BCAS3: variants seen among roughly 807,000 people sequenced by gnomAD.
BCAS3 encodes the protein BCAS4/BCAS3 fusion.
Under a neutral mutation model 116.1 loss-of-function variants are expected in BCAS3, and 53 were observed. That is an observed-to-expected ratio of 0.46 (90% CI 0.37 to 0.57). The LOEUF (loss-of-function observed/expected upper bound fraction) is 0.57. BCAS3 is among the 20% of genes least tolerant of loss of function. BCAS3 has a pLI of 0.00. For missense variants in BCAS3, 917 were observed against 1,165.4 expected, an observed-to-expected ratio of 0.79 and a Z score of 3.10; for synonymous variants, 391 against 408.2, an observed-to-expected ratio of 0.96 and a Z score of 0.51.
At chr17:60,718,120 G>A (rs114072791) in intron 5 of BCAS3, among the ~76,000 whole-genome samples, 4,726 of 152,308 alleles carry the variant, frequency 0.031, 234 homozygotes, top group African/African-American at 0.1. Context: ...GAGAGCAGCT[G>A]TAAATACAGT....
At chr17:60,791,943 T>G (rs2046803069) in intron 6 of BCAS3, among the ~76,000 whole-genome samples, 1 of 151,680 alleles carries the variant, frequency 6.6e-6, no homozygotes, top group South Asian at 2.1e-4. Context: ...GCCAACACAG[T>G]GAAACCCCAT....
rs1022900995 is a variant in BCAS3, at chr17:61,339,722, C to T, written c.2426-28605C>T. ...TGGCGGTTACAGTGAGCTGAGATCG[C>T]GCCACTGTACTCCAGTCGGGGCGAC... On this transcript the variant is annotated intron_variant, in intron 22 of 23. Transcript: ENST00000407086. The surrounding 1 kb of genome is among the most constrained non-coding windows in gnomAD (Gnocchi z 4.4). Among the ~76,000 whole-genome samples, 2 of 150,882 alleles carry T rather than the reference C, an allele frequency of 1.3e-5. No individual in the cohort carries two copies. The highest frequency in any genetic ancestry group is 4.9e-5 in the African/African-American group (2 of 40,936).
At chr17:60,739,889 T>G (rs77936394) in intron 5 of BCAS3, among the ~76,000 whole-genome samples, 7,789 of 152,062 alleles carry the variant, frequency 0.051, 240 homozygotes, top group Non-Finnish European at 0.071. Context: ...TTTTGTTTTT[T>G]TTTTTCCACA....
rs143697105 is a variant in BCAS3 at position 61,265,323 on chromosome 17, G to C, written c.2426-103004G>C. ...GGAGGTTGAGGCAGGAGAATCGTTC[G>C]AACCCGAGAGGCAGAGGTTGCAGTG... On this transcript the variant is annotated intron_variant, in intron 22 of 23. Transcript: ENST00000407086. This position sits in a 1 kb window ranked among gnomAD's most constrained non-coding sequence, Gnocchi z 4.3. Among the ~76,000 whole-genome samples the C allele has an allele frequency of 9.1e-3, 1,385 of 151,668 alleles. 21 individuals are homozygous for C. The highest frequency in any genetic ancestry group is 0.032 in the African/African-American group (1,329 of 41,292).
chr17:60,847,107 C>T lies in BCAS3; in HGVS notation c.477-21469C>T, dbSNP rs933451009. Among the ~76,000 whole-genome samples, 4 of 152,154 alleles carry T rather than the reference C, an allele frequency of 2.6e-5. No homozygotes were observed. The East Asian group carries it at 7.7e-4, about 29-fold the overall frequency. On this transcript the variant is annotated intron_variant, in intron 7 of 23. Transcript: ENST00000407086. ...TTTGTTTCTGACTTCTCTCACTTAG[C>T]ATAATGTTTGGGAGGTTCATCCATG...
chr17:60,988,274 A>G (rs1000106865), intron 14 of BCAS3, among the ~76,000 whole-genome samples: 2 of 147,716 alleles, frequency 1.4e-5, no homozygotes, highest in Non-Finnish European at 3.0e-5. Flanking sequence ...ATTGGCCTCT[A>G]GTCTAGTCTA....
intron 19 of BCAS3, among the ~76,000 whole-genome samples, chr17:61,057,485 T>G (rs1249493882): frequency 6.6e-6 from 1 of 152,252 alleles, no homozygotes; most frequent in Non-Finnish European, 1.5e-5. Flanking sequence ...CATTGCCTTC[T>G]ACGCCTCAGG....
chr17:60,686,613 C>T (rs2034091264), intron 3 of BCAS3, among the ~76,000 whole-genome samples: 1 of 152,042 alleles, frequency 6.6e-6, no homozygotes, highest in East Asian at 1.9e-4. Flanking sequence ...GCAACCTCTG[C>T]CTACGAGTTT....
At chr17:61,308,289 A>G (rs1253139275) in intron 22 of BCAS3, among the ~76,000 whole-genome samples, 1 of 152,088 alleles carries the variant, frequency 6.6e-6, no homozygotes, top group Non-Finnish European at 1.5e-5. Flanking sequence ...AAAAACATCA[A>G]CAAGCATTAG....
chr17:61,061,372 T>G (rs925169990), intron 19 of BCAS3, among the ~76,000 whole-genome samples: 1 of 152,238 alleles, frequency 6.6e-6, no homozygotes, highest in Non-Finnish European at 1.5e-5. Context: ...TTTTTACATT[T>G]GCAAACATCA....
chr17:61,125,391 A>G (rs995935629), intron 22 of BCAS3, among the ~76,000 whole-genome samples: 5 of 152,116 alleles, frequency 3.3e-5, no homozygotes, highest in Admixed American at 1.3e-4. Context: ...CTTCAATGAC[A>G]TATTTGTTTT....
chr17:60,948,623 G>GT (rs1239519494), intron 14 of BCAS3, among the ~76,000 whole-genome samples: 2 of 152,046 alleles, frequency 1.3e-5, no homozygotes, highest in Non-Finnish European at 2.9e-5. Context: ...CTAAAGTGAT[G>GT]TTTCTCTTGA....
At chr17:61,296,762 G>T (rs2052951997) in intron 22 of BCAS3, among the ~76,000 whole-genome samples, 1 of 152,208 alleles carries the variant, frequency 6.6e-6, no homozygotes, top group Admixed American at 6.5e-5. Context: ...TAGCCAGGCA[G>T]CAGCGAAGAG....
intron 22 of BCAS3, among the ~76,000 whole-genome samples, chr17:61,168,250 T>G (rs2078634108): frequency 6.6e-6 from 1 of 152,180 alleles, no homozygotes; most frequent in African/African-American, 2.4e-5. Flanking sequence ...TCCCACACTC[T>G]GGAAGATCTT....
rs755274399 is a variant in BCAS3, at chr17:61,364,192, C to A, written c.2426-4135C>A. ...CTTTGCTGAACACTTCTGATATCTC[C>A]CATCTTCGCTCCTCAACTTCCTAGC... is the stretch of plus-strand genomic sequence containing the variant. On this transcript the variant is annotated intron_variant, in intron 22 of 23. Coordinates refer to ENST00000407086, the MANE Select transcript of BCAS3 (RefSeq NM_017679.5). The surrounding 1 kb of genome is among the most constrained non-coding windows in gnomAD (Gnocchi z 5.4). 2.6e-5 allele frequency among the ~76,000 whole-genome samples: 4 copies of A among 152,148 alleles called. No individual in the cohort carries two copies. Among genetic ancestry groups the A allele is most frequent in the Non-Finnish European group, 5.9e-5 (4 of 68,008 alleles).
In BCAS3 at chr17:61,362,577, C is replaced by T. The variant is rs1317344205; in HGVS notation, c.2426-5750C>T. Among the ~76,000 whole-genome samples, 7 of 152,200 alleles carry T rather than the reference C, an allele frequency of 4.6e-5. No individual in the cohort carries two copies. The highest frequency in any genetic ancestry group is 7.2e-5 in the African/African-American group (3 of 41,442). ...AACAATGGTGTACAAAGGCAAAGCA[C>T]GTGTTCCCCCAGCCTCCCCAGGAGC... On this transcript the variant is annotated intron_variant, in intron 22 of 23. Transcript: ENST00000407086. The surrounding 1 kb of genome is among the most constrained non-coding windows in gnomAD (Gnocchi z 4.4).
chr17:60,894,611 C>G, intron 10 of BCAS3, among the ~76,000 whole-genome samples: 1 of 152,226 alleles, frequency 6.6e-6, no homozygotes, highest in Middle Eastern at 3.4e-3. Flanking sequence ...GTGTCGAATA[C>G]GAGTGGTGAA....
rs1026048202 is a variant in BCAS3 at position 61,307,054 on chromosome 17, G to A, written c.2426-61273G>A. Among the ~76,000 whole-genome samples, 8 of 152,210 alleles carry A rather than the reference G, an allele frequency of 5.3e-5. No homozygotes were observed. Among genetic ancestry groups the A allele is most frequent in the Admixed American group, 5.2e-4 (8 of 15,280 alleles). On this transcript the variant is annotated intron_variant, in intron 22 of 23. Transcript: ENST00000407086. This position sits in a 1 kb window ranked among gnomAD's most constrained non-coding sequence, Gnocchi z 4.7. ...CCCCAGCTTCTGTGATTCTCTCAAA[G>A]GTCTTTCAGTATTGATCAGGGAGTC...
intron 5 of BCAS3, among the ~76,000 whole-genome samples, chr17:60,736,994 C>T (rs535344307): frequency 1.1e-4 from 17 of 150,506 alleles, no homozygotes; most frequent in African/African-American, 4.1e-4. Context: ...GGCTGGAGTG[C>T]AATGGCGCGA....
Sources: allele counts gnomAD v4.1 joint callset (sites outside exome capture counted in the v4.1 genomes callset), GRCh38; gene constraint gnomAD v4.1.1; non-coding constraint Gnocchi (gnomAD v3.1); transcripts MANE v1.5; gene names NCBI Gene and HGNC (gene_info 2026-07-23, HGNC 2026-07-21).